RPS6KA2: variants seen among roughly 807,000 people sequenced by gnomAD.
The protein encoded by RPS6KA2 is ribosomal protein S6 kinase alpha-2.
Under a neutral mutation model 91.8 loss-of-function variants are expected in RPS6KA2, and 42 were observed. The observed-to-expected ratio is 0.46, with a 90% CI of 0.36 to 0.59. The LOEUF is 0.59. Ranked by LOEUF, RPS6KA2 falls within the 20% of genes least tolerant of loss-of-function variation. RPS6KA2 has a pLI of 0.00. For synonymous variants in RPS6KA2, 414 were observed against 393.6 expected (o/e 1.05, Z -0.61); for missense variants, 798 against 978.5 (o/e 0.82, Z 2.46).
chr6:166,742,509 T>C (rs1402552921), intron 2 of RPS6KA2, among the ~76,000 whole-genome samples: 2 of 152,124 alleles, frequency 1.3e-5, no homozygotes, highest in African/African-American at 4.8e-5. Context: ...TCCATGAGGA[T>C]TTCCCTTCTG....
At chr6:166,696,117 C>T (rs557814811) in intron 2 of RPS6KA2, among the ~76,000 whole-genome samples, 3 of 152,254 alleles carry the variant, frequency 2.0e-5, no homozygotes, top group South Asian at 2.1e-4. Flanking sequence ...TGGGGACGGC[C>T]GTTTTAGGCT....
intron 1 of RPS6KA2, among the ~76,000 whole-genome samples, chr6:166,616,200 A>AG (rs1027902947): frequency 2.0e-5 from 3 of 152,206 alleles, no homozygotes; most frequent in African/African-American, 7.2e-5. Flanking sequence ...CCTGTAAGGC[A>AG]GATGTTATAC....
chr6:166,641,931 A>G (rs911359072), intron 2 of RPS6KA2, among the ~76,000 whole-genome samples: 1 of 151,772 alleles, frequency 6.6e-6, no homozygotes, highest in Admixed American at 6.6e-5. Context: ...GCCTCTGACT[A>G]TTAGAATGAG....
intron 2 of RPS6KA2, among the ~76,000 whole-genome samples, chr6:166,537,360 G>A (rs59766415): frequency 0.037 from 5,679 of 152,248 alleles, 340 homozygotes; most frequent in African/African-American, 0.13. Context: ...GTCACATTAC[G>A]CAGGCTCTGC....
At chr6:166,604,853 T>C (rs544613428) in intron 1 of RPS6KA2, among the ~76,000 whole-genome samples, 2 of 152,350 alleles carry the variant, frequency 1.3e-5, no homozygotes, top group East Asian at 3.9e-4. Context: ...GGTGGTCACG[T>C]AGCCTAAAAT....
chr6:166,448,920 C>A lies in RPS6KA2; in HGVS notation c.1207-71G>T. On this transcript the variant is annotated intron_variant, in intron 13 of 20. Transcript: ENST00000265678. The surrounding 1 kb of genome is among the most constrained non-coding windows in gnomAD (Gnocchi z 4.7). ...AGGGGACGGTGCAGCTACACGCACACAGAATGTGGGGCGAAGAGAGGCACC... is the reference window on the plus strand; with the variant it reads ...AGGGGACGGTGCAGCTACACGCACAAAGAATGTGGGGCGAAGAGAGGCACC... 1 of 1,578,672 alleles carries A rather than the reference C, an allele frequency of 6.3e-7. No individual in the cohort carries two copies.
chr6:166,643,740 C>T (rs781098220), intron 2 of RPS6KA2, among the ~76,000 whole-genome samples: 38 of 152,230 alleles, frequency 2.5e-4, no homozygotes, highest in Non-Finnish European at 2.8e-4. Flanking sequence ...AAAGTTCTGA[C>T]CTCCGCTGTC....
At chr6:166,647,376 C>A (rs1437729533) in intron 2 of RPS6KA2, among the ~76,000 whole-genome samples, 1 of 152,176 alleles carries the variant, frequency 6.6e-6, no homozygotes, top group African/African-American at 2.4e-5. Context: ...TCTCTTCTTG[C>A]CGGGTTAGTG....
At chr6:166,762,781 G>A (rs940099722) in intron 2 of RPS6KA2, among the ~76,000 whole-genome samples, 12 of 152,120 alleles carry the variant, frequency 7.9e-5, no homozygotes, top group African/African-American at 2.7e-4. Context: ...CAAGGAAAGC[G>A]GAGCAAGCCA....
intron 2 of RPS6KA2, among the ~76,000 whole-genome samples, chr6:166,655,645 C>T (rs937735007): frequency 6.6e-6 from 1 of 152,166 alleles, no homozygotes; most frequent in Non-Finnish European, 1.5e-5. Context: ...TAAAACTCTC[C>T]ATCAGAACCA....
intron 2 of RPS6KA2, among the ~76,000 whole-genome samples, chr6:166,844,606 GGT>G (rs1264243292): frequency 6.6e-6 from 1 of 152,118 alleles, no homozygotes; most frequent in African/African-American, 2.4e-5. Flanking sequence ...AAGGGATCGG[GGT>G]CCTATGTTTA....
intron 2 of RPS6KA2, among the ~76,000 whole-genome samples, chr6:166,766,109 T>C (rs528275239): frequency 6.6e-6 from 1 of 152,346 alleles, no homozygotes; most frequent in African/African-American, 2.4e-5. Flanking sequence ...TGGGGTTGCA[T>C]TGGTAAGTGG....
intron 17 of RPS6KA2, among the ~76,000 whole-genome samples, chr6:166,420,534 A>G (rs1583108563): frequency 6.6e-6 from 1 of 152,190 alleles, no homozygotes; most frequent in African/African-American, 2.4e-5. Flanking sequence ...TTCACTTAGT[A>G]TAACACCCTA....
At position 166,423,246 on chromosome 6, in the gene RPS6KA2, G is replaced by T. The variant is rs1434787193; in HGVS notation, c.1743+10C>A. 2.5e-6 allele frequency: 4 copies of T among 1,603,030 alleles called. No individual in the cohort carries two copies. The highest frequency in any genetic ancestry group is 3.4e-6 in the Non-Finnish European group (4 of 1,171,874). ...AGAGAGGCCTGGGTCTGCAGTCGGG[G>T]AATGCTCACCTCCGGGGCCACGAAA... On this transcript the variant is annotated intron_variant, in intron 17 of 20. Transcript: ENST00000265678. This position sits in a 1 kb window ranked among gnomAD's most constrained non-coding sequence, Gnocchi z 4.8.
chr6:166,589,065 G>A (rs1008201880), intron 1 of RPS6KA2, among the ~76,000 whole-genome samples: 7 of 152,206 alleles, frequency 4.6e-5, no homozygotes, highest in Admixed American at 2.0e-4. Flanking sequence ...GCTGAAATTA[G>A]TAACATTGGG....
intron 10 of RPS6KA2, among the ~76,000 whole-genome samples, chr6:166,482,629 G>C (rs78936104): frequency 1.3e-5 from 2 of 152,162 alleles, no homozygotes; most frequent in Admixed American, 1.3e-4. Flanking sequence ...AGAAGGCTTC[G>C]GGCGATGATG....
intron 1 of RPS6KA2, among the ~76,000 whole-genome samples, chr6:166,564,063 A>G (rs781506216): frequency 2.0e-5 from 3 of 152,218 alleles, no homozygotes; most frequent in Non-Finnish European, 2.9e-5. Context: ...CCTGCTGTGG[A>G]TAATAAACTA....
intron 11 of RPS6KA2, among the ~76,000 whole-genome samples, chr6:166,464,659 T>C (rs144430688): frequency 6.8e-4 from 104 of 152,330 alleles, no homozygotes; most frequent in Non-Finnish European, 1.1e-3. Context: ...GAAGCTTTTT[T>C]TGGGTTCGTG....
intron 10 of RPS6KA2, among the ~76,000 whole-genome samples, chr6:166,478,363 G>A (rs565723845): frequency 6.6e-6 from 1 of 152,328 alleles, no homozygotes; most frequent in Admixed American, 6.5e-5. Context: ...CCACCGGCAA[G>A]GTTCCTGGCA....
Sources: allele counts gnomAD v4.1 joint callset (sites outside exome capture counted in the v4.1 genomes callset), GRCh38; gene constraint gnomAD v4.1.1; non-coding constraint Gnocchi (gnomAD v3.1); transcripts MANE v1.5; gene names NCBI Gene and HGNC (gene_info 2026-07-23, HGNC 2026-07-21).